Variants in BDP1 observed in about 807,000 individuals in gnomAD.
BDP1 encodes the protein transcription factor TFIIIB component B'' homolog.
BDP1 carries 169 observed loss-of-function variants against 266.6 expected under a neutral mutation model. The observed-to-expected ratio is 0.63, with a 90% CI of 0.56 to 0.72. The LOEUF is 0.72. BDP1 is among the 30% of genes least tolerant of loss of function. BDP1 has a pLI of 0.00. For missense variants in BDP1, 3,015 were observed against 3,053.8 expected (o/e 0.99, Z 0.30); for synonymous variants, 1,090 against 1,022.4 (o/e 1.07, Z -1.26).
intron 26 of BDP1, among the ~76,000 whole-genome samples, chr5:71,536,483 C>T (rs570900087): frequency 2.0e-5 from 3 of 152,228 alleles, no homozygotes; most frequent in Non-Finnish European, 4.4e-5. Flanking sequence ...AGAGTGCATA[C>T]AATTCTGACA....
chr5:71,528,580 T>A, intron 25 of BDP1, among the ~76,000 whole-genome samples: 1 of 152,236 alleles, frequency 6.6e-6, no homozygotes, highest in East Asian at 1.9e-4. Flanking sequence ...AAACTTTACA[T>A]GTTAATGTAA....
chr5:71,570,767 G>C (rs926202695), downstream of BDP1, among the ~76,000 whole-genome samples: 1 of 152,204 alleles, frequency 6.6e-6, no homozygotes, highest in African/African-American at 2.4e-5. Context: ...AGTCTGCAAA[G>C]GACAACCATC....
Position 71,558,541 on chromosome 5 carries a change from C to T in BDP1, c.7241-1441C>T, listed in dbSNP as rs141111937. Among the ~76,000 whole-genome samples, 783 of 149,646 alleles carry T rather than the reference C, an allele frequency of 5.2e-3. 7 individuals are homozygous for T. The highest frequency in any genetic ancestry group is 0.018 in the African/African-American group (749 of 40,580). On this transcript the variant is annotated intron_variant, in intron 36 of 38. Coordinates refer to ENST00000358731, the MANE Select transcript of BDP1 (RefSeq NM_018429.3). The stretch of plus-strand genomic sequence containing the variant: ...TGTCTCAAAAAACAAACAAAAAATA[C>T]TTGACTGGGCGTGGTGGCTCACGCC...
Position 71,490,985 on chromosome 5 carries a change from T to G in BDP1, c.1494T>G (p.Asn498Lys). The G allele has an allele frequency of 6.3e-7, 1 of 1,591,284 alleles. No homozygotes were observed. The highest frequency in any genetic ancestry group is 1.8e-5 in the Admixed American group (1 of 54,554). Residue 498 changes from asparagine (N) to lysine (K), a missense_variant and splice_region_variant, in exon 11 of 39, where the codon AAT becomes AAG. By Grantham distance (94) the Asn-to-Lys change is moderately conservative. Around this residue, in one of 3 missense-constraint regions of BDP1, gnomAD observed 2,383 missense variants for 2,404.9 expected, o/e 0.99. Coordinates refer to ENST00000358731, the MANE Select transcript of BDP1 (RefSeq NM_018429.3). ...AGPSKGEKHK[N>K]KCQAIRPELK... is the part of the protein sequence containing the mutation. ...ATAACATGCATTTTGTATTTGTAGA[T>G]AAATGTCAGGCTATAAGGCCTGAGC... is the stretch of plus-strand genomic sequence containing the variant.
At position 71,470,482 on chromosome 5, in the gene BDP1, A is replaced by C. The variant is rs1355555766; in HGVS notation, c.1007A>C (p.Glu336Ala). ...GQLFPHRARI[E>A]IKNKFKREEK... ...CTTTTTCCTCACAGAGCAAGGATAG[A>C]AATTAAGGTAAAGTAAACCCATCAC... Residue 336 changes from glutamate (E) to alanine (A), a missense_variant, in exon 7 of 39, where the codon GAA (glutamate) becomes GCA (alanine). Physicochemically the swap from Glu to Ala is moderately radical, Grantham distance 107 (BLOSUM62 -1). Transcript: ENST00000358731. 1 of 1,601,648 alleles carries C rather than the reference A, an allele frequency of 6.2e-7. No homozygotes were observed. Among genetic ancestry groups the C allele is most frequent in the African/African-American group, 1.3e-5 (1 of 74,638 alleles).
intron 24 of BDP1, among the ~76,000 whole-genome samples, chr5:71,523,700 G>A (rs1213293855): frequency 1.3e-5 from 2 of 152,142 alleles, no homozygotes; most frequent in Non-Finnish European, 2.9e-5. Context: ...AGGAAAGAAT[G>A]GTCCAGAATT....
At chr5:71,576,149 A>C in the BDP1 span, among the ~76,000 whole-genome samples, 1 of 152,188 alleles carries the variant, frequency 6.6e-6, no homozygotes, top group Admixed American at 6.5e-5. Flanking sequence ...CATGTTAGCC[A>C]TAATATCCTG....
At chr5:71,470,594 T>C in intron 7 of BDP1, 105 bp downstream of exon 7, 1 of 784,466 alleles carries the variant, frequency 1.3e-6, no homozygotes, top group South Asian at 1.9e-5. Flanking sequence ...TCATCTTTTT[T>C]TTTTTTTTCA....
chr5:71,503,685 G>A (rs139580169), intron 15 of BDP1, among the ~76,000 whole-genome samples: 90 of 152,262 alleles, frequency 5.9e-4, no homozygotes, highest in African/African-American at 2.1e-3. Context: ...ATGGTCTCTA[G>A]GCCAGGCATG....
intron 12 of BDP1, among the ~76,000 whole-genome samples, chr5:71,496,884 T>A (rs1348972482): frequency 1.3e-5 from 2 of 152,156 alleles, no homozygotes; most frequent in African/African-American, 2.4e-5. Flanking sequence ...CGCCCGGCCT[T>A]CCCATCATCA....
rs1761333616 is a variant in BDP1 at position 71,458,482 on chromosome 5, A to G, written c.213-97A>G. 5.9e-6 allele frequency: 5 copies of G among 851,294 alleles called. No homozygotes were observed. The South Asian group carries it at 1.2e-4, about 21-fold the overall frequency. 52.7% of individuals were successfully genotyped at this position (851,294 alleles called of 1,614,324 possible). The stretch of plus-strand genomic sequence containing the variant: ...TACTAATTTTTTTTTTTTAATTACG[A>G]GATTGCAGTTTTGGATTTTCACCAG... On this transcript the variant is annotated intron_variant, in intron 1 of 38. Transcript: ENST00000358731.
chr5:71,551,927 A>G, intron 34 of BDP1, among the ~76,000 whole-genome samples: 1 of 144,438 alleles, frequency 6.9e-6, no homozygotes, highest in African/African-American at 2.6e-5. Context: ...TCCCTCCCGG[A>G]CGGGGCGGCT....
Position 71,510,035 on chromosome 5 carries a change from C to T in BDP1, c.2943C>T (p.Asp981=). The T allele has an allele frequency of 6.2e-7, 1 of 1,606,556 alleles. No homozygotes were observed. Among genetic ancestry groups the T allele is most frequent in the Non-Finnish European group, 8.5e-7 (1 of 1,178,004 alleles). The change falls in exon 17 of 39, where the codon GAC becomes GAT. Residue 981 remains aspartate (D), a synonymous_variant. Coordinates refer to ENST00000358731, the MANE Select transcript of BDP1 (RefSeq NM_018429.3). ...PEVTDATEEI[D]KNLEETGRRK... is the part of the protein sequence containing the mutation. ...TGACTGATGCCACTGAGGAAATAGA[C>T]AAAAATTTGGAAGAAACTGGAAGAA...
At chr5:71,464,966 C>T (rs1244082178) in intron 4 of BDP1, among the ~76,000 whole-genome samples, 1 of 151,966 alleles carries the variant, frequency 6.6e-6, no homozygotes, top group Non-Finnish European at 1.5e-5. Context: ...ATCGGCCCGC[C>T]TCGGCCTCCC....
rs772151560 is a variant in BDP1 at position 71,510,713 on chromosome 5, A to G, written c.3621A>G (p.Ile1207Met). 22 of 1,613,924 alleles carry G rather than the reference A, an allele frequency of 1.4e-5. No homozygotes were observed. The highest frequency in any genetic ancestry group is 1.6e-5 in the Non-Finnish European group (19 of 1,179,974). ...ETDLEETERE[I>M]SPQENGPEEV... ...ATTTGGAAGAAACTGAAAGAGAAAT[A>G]TCGCCACAGGAAAATGGCCCAGAGG... Residue 1207 changes from isoleucine (I) to methionine (M), a missense_variant, in exon 17 of 39, where the codon ATA (isoleucine) becomes ATG (methionine). Ile to Met is a conservative substitution (Grantham distance 10). Coordinates refer to ENST00000358731, the MANE Select transcript of BDP1 (RefSeq NM_018429.3).
In BDP1 at chr5:71,483,920, A is replaced by G. The variant is rs112266388; in HGVS notation, c.1069+24A>G. ...CCGTAAGTATTAAGACCTCTTTTACAAAGTATTACTTGAAGAGCCTAAAAA... is the reference window on the plus strand; with the variant it reads ...CCGTAAGTATTAAGACCTCTTTTACGAAGTATTACTTGAAGAGCCTAAAAA... On this transcript the variant is annotated intron_variant, in intron 8 of 38. Coordinates refer to ENST00000358731, the MANE Select transcript of BDP1 (RefSeq NM_018429.3). The G allele has an allele frequency of 1.0e-3, 1,568 of 1,570,838 alleles. 14 individuals carry two copies. In the African/African-American group the frequency reaches 0.017, roughly 17 times the overall value.
At chr5:71,461,615 A>G (rs978985465) in intron 2 of BDP1, among the ~76,000 whole-genome samples, 29 of 152,148 alleles carry the variant, frequency 1.9e-4, no homozygotes, top group African/African-American at 7.0e-4. Flanking sequence ...CCCCATCTCA[A>G]AAGTAGATAA....
At chr5:71,459,655 G>T (rs191802535) in intron 2 of BDP1, among the ~76,000 whole-genome samples, 7 of 152,174 alleles carry the variant, frequency 4.6e-5, no homozygotes, top group African/African-American at 1.7e-4. Context: ...TTCTTTTCTA[G>T]AAGGGCAGGT....
chr5:71,487,059 A>G (rs1763302769), intron 9 of BDP1, among the ~76,000 whole-genome samples: 1 of 152,180 alleles, frequency 6.6e-6, no homozygotes, highest in Non-Finnish European at 1.5e-5. Context: ...GTTGAGTTGT[A>G]ACAGGTAGAA....
Sources: gnomAD v4.1 joint callset for allele counts (sites outside exome capture counted in the v4.1 genomes callset) on GRCh38, gnomAD v4.1.1 for gene constraint, gnomAD v4.1.1 regional missense constraint, MANE v1.5 for transcripts, NCBI Gene and HGNC (gene_info 2026-07-23, HGNC 2026-07-21) for gene names.